Variants in ZSCAN32 observed in about 807,000 individuals in gnomAD.
ZSCAN32 encodes the protein zinc finger and SCAN domain-containing protein 32.
In ZSCAN32, 52 loss-of-function variants were observed where a neutral mutation model predicts 47.4. That is an observed-to-expected ratio of 1.10 (90% CI 0.88 to 1.38). ZSCAN32 has a LOEUF of 1.38. Among genes scored for constraint, ZSCAN32 ranks in the 40% most tolerant of loss-of-function variants. The pLI, the probability that ZSCAN32 is intolerant of heterozygous loss-of-function variation, is 0.00. For synonymous variants in ZSCAN32, 346 were observed against 305.7 expected (o/e 1.13, Z -1.38); for missense variants, 959 against 846.0 (o/e 1.13, Z -1.66).
At position 3,390,086 on chromosome 16, in the gene ZSCAN32, T is replaced by C. The variant is rs1473793894; in HGVS notation, c.675A>G (p.Glu225=). Residue 225 remains glutamate (E), a synonymous_variant, in exon 5 of 7, where the codon GAA becomes GAG. Coordinates refer to ENST00000396852, the MANE Select transcript of ZSCAN32 (RefSeq NM_001284527.2). ...TTTGTGCAGGGCCTGGGCACATCCA[T>C]TCTTGCTGACAGAGGGATACAGCTC... ...DNRAVSLCQQ[E]WMCPGPAQRA... is the part of the protein sequence containing the mutation. 3 of 1,613,958 alleles carry C rather than the reference T, an allele frequency of 1.9e-6. No individual in the cohort carries two copies. The highest frequency in any genetic ancestry group is 2.2e-5 in the South Asian group (2 of 91,012).
At chr16:3,383,989 C>T (rs2031607186) in intron 6 of ZSCAN32, 1 of 467,690 alleles carries the variant, frequency 2.1e-6, no homozygotes, top group South Asian at 3.1e-5. Flanking sequence ...AGCACTATAT[C>T]ATCTGCCAGT....
At chr16:3,391,616 T>C (rs989974560) in intron 3 of ZSCAN32, among the ~76,000 whole-genome samples, 15 of 151,386 alleles carry the variant, frequency 9.9e-5, no homozygotes, top group Admixed American at 3.3e-4. Flanking sequence ...GAGGCAGAGG[T>C]TGCAGTGAGC....
chr16:3,390,416 A>C lies in ZSCAN32; in HGVS notation c.627+7T>G. The stretch of plus-strand genomic sequence containing the variant: ...TCAAGAGACAGAAGGCATCAACCAC[A>C]GCTCACCTGGGACCCAGCTGTCCAG... On this transcript the variant is annotated splice_region_variant and intron_variant, in intron 4 of 6. Transcript: ENST00000396852. 6.5e-7 allele frequency: 1 copy of C among 1,547,182 alleles called. No homozygotes were observed.
chr16:3,389,716 C>A (rs1391703234), intron 5 of ZSCAN32, among the ~76,000 whole-genome samples: 1 of 152,198 alleles, frequency 6.6e-6, no homozygotes, highest in African/African-American at 2.4e-5. Flanking sequence ...TGGTGGCCAC[C>A]TGTCTGGCTC....
intron 3 of ZSCAN32, 114 bp from the exon 4 acceptor site, chr16:3,390,631 A>T (rs1041899646): frequency 2.5e-6 from 2 of 805,710 alleles, no homozygotes; most frequent in African/African-American, 3.6e-5. Context: ...GCAACCCATC[A>T]GAAATACAAA....
chr16:3,388,599 A>G (rs934150856), intron 5 of ZSCAN32, among the ~76,000 whole-genome samples: 2 of 152,238 alleles, frequency 1.3e-5, no homozygotes, highest in East Asian at 3.8e-4. Context: ...GAGATACTGT[A>G]GGCACTAAAT....
At chr16:3,395,591 T>C (rs912240744) in intron 2 of ZSCAN32, among the ~76,000 whole-genome samples, 3 of 152,222 alleles carry the variant, frequency 2.0e-5, no homozygotes, top group Admixed American at 6.5e-5. Context: ...AAACCTCTTC[T>C]CTTTATAAAT....
At chr16:3,397,049 C>A (rs1244310365) in intron 2 of ZSCAN32, 143 bp downstream of exon 2, 2 of 956,122 alleles carry the variant, frequency 2.1e-6, no homozygotes, top group Non-Finnish European at 3.0e-6. Flanking sequence ...ATTATAAGGG[C>A]ATAGGACCAA....
At chr16:3,388,359 C>G (rs1038402710) in intron 5 of ZSCAN32, among the ~76,000 whole-genome samples, 3 of 152,206 alleles carry the variant, frequency 2.0e-5, no homozygotes, top group Non-Finnish European at 2.9e-5. Flanking sequence ...TTTCAAATGT[C>G]ATTTTCTCAG....
Position 3,383,420 on chromosome 16 carries a change from G to C in ZSCAN32, c.1526C>G (p.Ser509Cys), listed in dbSNP as rs1353276450. ...CGKNCSQSVH[S>C]PHKPALKLEK... ...CAGTTTGAGCGCTGGCTTGTGGGGA[G>C]AGTGCACACTCTGAGAGCAGTTTTT... The change falls in exon 7 of 7, where the codon TCT becomes TGT. Residue 509 changes from serine to cysteine, a missense_variant. Physicochemically the swap from Ser to Cys is moderately radical, Grantham distance 112. Transcript: ENST00000396852. The C allele has an allele frequency of 6.2e-7, 1 of 1,614,200 alleles. No individual in the cohort carries two copies. Among genetic ancestry groups the C allele is most frequent in the Non-Finnish European group, 8.5e-7 (1 of 1,180,032 alleles).
intron 3 of ZSCAN32, 97 bp from the exon 4 acceptor site, chr16:3,390,614 G>A (rs2032572906): frequency 2.1e-6 from 2 of 945,986 alleles, no homozygotes; most frequent in Non-Finnish European, 3.1e-6. Flanking sequence ...CGCATCAGCA[G>A]CCCCTGGCAA....
chr16:3,393,933 G>T, intron 2 of ZSCAN32, 119 bp from the exon 3 acceptor site: 1 of 807,918 alleles, frequency 1.2e-6, no homozygotes, highest in Non-Finnish European at 1.8e-6. Context: ...AAATCTAGGA[G>T]CCACTGTATT....
rs190858013 is a variant in ZSCAN32 at position 3,383,792 on chromosome 16, G to A, written c.1235-81C>T. 2.5e-4 allele frequency: 337 copies of A among 1,354,838 alleles called. 3 individuals are homozygous for A. The East Asian group carries it at 5.8e-3, about 23-fold the overall frequency. 83.9% of individuals were successfully genotyped at this position (1,354,838 alleles called of 1,614,324 possible). On this transcript the variant is annotated intron_variant, in intron 6 of 6. Coordinates refer to ENST00000396852, the MANE Select transcript of ZSCAN32 (RefSeq NM_001284527.2). ...GAATGCAAAGTTATAACTATACTAC[G>A]TAGAAGAAATATCTAATTGAAATTC...
chr16:3,385,455 T>C (rs568544865), intron 5 of ZSCAN32, among the ~76,000 whole-genome samples: 1 of 152,306 alleles, frequency 6.6e-6, no homozygotes, highest in South Asian at 2.1e-4. Flanking sequence ...TTAAAGTTTA[T>C]ATGGAACCAA....
Position 3,384,715 on chromosome 16 carries a change from A to C in ZSCAN32, c.978T>G (p.Pro326=), listed in dbSNP as rs914587080. The C allele has an allele frequency of 8.7e-6, 14 of 1,614,228 alleles. No individual in the cohort carries two copies. The highest frequency in any genetic ancestry group is 7.7e-5 in the South Asian group (7 of 91,086). The change falls in exon 6 of 7, where the codon CCT becomes CCG. Residue 326 remains proline, a synonymous_variant. Coordinates refer to ENST00000396852, the MANE Select transcript of ZSCAN32 (RefSeq NM_001284527.2). ...SYRKVRRGRV[P]EPCIFYEEMN... Reference sequence around the variant, plus strand: ...TTTCCTCATAAAAGATACAAGGCTCAGGCACACGGCCTCTCCTCACTTTGC... The same window carrying C: ...TTTCCTCATAAAAGATACAAGGCTCCGGCACACGGCCTCTCCTCACTTTGC...
intron 2 of ZSCAN32, 37 bp from the exon 3 acceptor site, chr16:3,393,851 C>A: frequency 1.3e-6 from 2 of 1,492,790 alleles, no homozygotes; most frequent in South Asian, 1.3e-5. Context: ...CTACAAATTC[C>A]TGCCTAAGCT....
rs1398744033 is a variant in ZSCAN32 at position 3,393,241 on chromosome 16, T to TATATA, written c.532+407_532+408insTATAT. On this transcript the variant is annotated intron_variant, in intron 3 of 6. Transcript: ENST00000396852. ...ATATATATATATAAATTTATATATT[T>TATATA]TATATATATATATATTTTTTGTTTT... Among the ~76,000 whole-genome samples the TATATA allele has an allele frequency of 3.7e-3, 39 of 10,562 alleles. 7 individuals carry two copies. The highest frequency in any genetic ancestry group is 0.011 in the South Asian group (2 of 190). The allele number at this position is 10,562 out of a possible 152,430, so 6.9% of individuals were successfully genotyped here.
Position 3,383,313 on chromosome 16 carries a change from C to T in ZSCAN32, c.1633G>A (p.Gly545Ser). The change falls in exon 7 of 7, where the codon GGC (glycine) becomes AGC (serine). Residue 545 changes from glycine to serine, a missense_variant. Physicochemically the swap from Gly to Ser is moderately conservative, Grantham distance 56. Transcript: ENST00000396852. ...TCACTGCACTTGTGAGGCTTCTCGC[C>T]TGTGTGGATTCTTTGATGCCGAACA... ...YLVRHQRIHT[G>S]EKPHKCSECG... The T allele has an allele frequency of 6.2e-7, 1 of 1,614,198 alleles. No homozygotes were observed. The highest frequency in any genetic ancestry group is 2.2e-5 in the East Asian group (1 of 44,888).
intron 2 of ZSCAN32, among the ~76,000 whole-genome samples, chr16:3,394,255 G>C (rs1371016691): frequency 2.0e-5 from 3 of 152,050 alleles, no homozygotes; most frequent in Admixed American, 2.0e-4. Context: ...AACACAGCAA[G>C]ACTCTGTCTC....
Sources: gnomAD v4.1 joint callset for allele counts (sites outside exome capture counted in the v4.1 genomes callset) on GRCh38, gnomAD v4.1.1 for gene constraint, MANE v1.5 for transcripts, NCBI Gene and HGNC (gene_info 2026-07-23, HGNC 2026-07-21) for gene names.